NRXN1: variants seen among roughly 807,000 people sequenced by gnomAD.
The protein encoded by NRXN1 is neurexin 1.
A neutral mutation model predicts 150.9 loss-of-function variants in NRXN1; 39 were observed. The observed-to-expected ratio is 0.26, with a 90% CI of 0.20 to 0.34. The LOEUF is 0.34. NRXN1 is among the 10% of genes least tolerant of loss of function. The probability of loss-of-function intolerance (pLI) is 1.00; values close to 1 mark genes in which losing one functional copy is unlikely to be tolerated. For synonymous variants in NRXN1, 924 were observed against 757.0 expected (o/e 1.22, Z -3.62); for missense variants, 1,815 against 1,949.9 (o/e 0.93, Z 1.30).
At position 50,928,680 on chromosome 2, in the gene NRXN1, G is replaced by T. The variant is rs1687283955; in HGVS notation, c.773-2725C>A. Among the ~76,000 whole-genome samples the T allele has an allele frequency of 2.0e-5, 3 of 152,068 alleles. No individual in the cohort carries two copies. In the South Asian group the frequency reaches 6.2e-4, roughly 32 times the overall value. ...TGCTTTTGAGCAGCAACAAAGACAG[G>T]TGCTGAATTTTGGCATGCCACGGTG... On this transcript the variant is annotated intron_variant, in intron 2 of 22. Transcript: ENST00000401669.
intron 17 of NRXN1, among the ~76,000 whole-genome samples, chr2:50,333,445 T>C (rs1030667491): frequency 7.2e-5 from 11 of 151,826 alleles, no homozygotes; most frequent in African/African-American, 2.4e-5. Context: ...GAACCAAACA[T>C]CTCCCCAATA....
intron 18 of NRXN1, among the ~76,000 whole-genome samples, chr2:50,144,838 A>G (rs1707778421): frequency 6.6e-6 from 1 of 151,734 alleles, no homozygotes; most frequent in Non-Finnish European, 1.5e-5. Context: ...AAGTTTATGT[A>G]ACACTGTATA....
At chr2:50,590,839 G>A (rs1674060117) in intron 8 of NRXN1, among the ~76,000 whole-genome samples, 1 of 152,040 alleles carries the variant, frequency 6.6e-6, no homozygotes, top group Non-Finnish European at 1.5e-5. Flanking sequence ...TGTTTGAGCT[G>A]CCCAGTCTAT....
chr2:50,969,530 G>T (rs2104771269), intron 2 of NRXN1, among the ~76,000 whole-genome samples: 1 of 152,202 alleles, frequency 6.6e-6, no homozygotes, highest in Admixed American at 6.6e-5. Context: ...GGAAAGATTT[G>T]TACTGGAAAT....
chr2:50,479,777 T>TTTC (rs2090315023), intron 15 of NRXN1, among the ~76,000 whole-genome samples: 3 of 131,674 alleles, frequency 2.3e-5, no homozygotes, highest in Non-Finnish European at 4.9e-5. Context: ...CTTTTTTTTT[T>TTTC]TTTTTTTTTT....
At chr2:50,409,564 C>A (rs1192782595) in intron 17 of NRXN1, among the ~76,000 whole-genome samples, 1 of 152,204 alleles carries the variant, frequency 6.6e-6, no homozygotes, top group South Asian at 2.1e-4. Flanking sequence ...GGGACAGCAT[C>A]ACCTGGACCA....
At chr2:50,078,538 A>G (rs866611652) in intron 19 of NRXN1, among the ~76,000 whole-genome samples, 2 of 151,874 alleles carry the variant, frequency 1.3e-5, no homozygotes, top group South Asian at 4.1e-4. Context: ...CCAGTTTTCA[A>G]CTAATGTCCT....
intron 2 of NRXN1, among the ~76,000 whole-genome samples, chr2:50,951,284 T>C (rs868484117): frequency 5.9e-5 from 9 of 152,128 alleles, no homozygotes; most frequent in African/African-American, 1.7e-4. Flanking sequence ...CATATGCATA[T>C]ATGGATTTCA....
intron 5 of NRXN1, among the ~76,000 whole-genome samples, chr2:50,627,357 A>G (rs62142328): frequency 2.4e-4 from 35 of 143,630 alleles, no homozygotes; most frequent in South Asian, 4.6e-4. Flanking sequence ...TGGTTCATGT[A>G]TGTGTGTGTG....
intron 17 of NRXN1, among the ~76,000 whole-genome samples, chr2:50,302,470 G>A (rs1012648883): frequency 3.9e-4 from 60 of 152,070 alleles, no homozygotes; most frequent in African/African-American, 1.4e-3. Flanking sequence ...AGATTACAAA[G>A]TCCACCATAC....
Position 50,862,914 on chromosome 2 carries a change from C to T in NRXN1, c.832+58955G>A, listed in dbSNP as rs557654245. ...TCCTACTTGTAAGGAATAAGGCAGC[C>T]TCATTTATCTGCCTACGTGAAAAGA... On this transcript the variant is annotated intron_variant, in intron 5 of 22. Transcript: ENST00000401669. Among the ~76,000 whole-genome samples, 3 of 152,102 alleles carry T rather than the reference C, an allele frequency of 2.0e-5. No individual in the cohort carries two copies. The South Asian group carries it at 6.2e-4, about 32-fold the overall frequency.
intron 17 of NRXN1, among the ~76,000 whole-genome samples, chr2:50,317,705 G>C (rs1221633933): frequency 1.3e-5 from 2 of 151,904 alleles, no homozygotes; most frequent in African/African-American, 4.8e-5. Context: ...AAACATCTCA[G>C]TAAATCTAAA....
At position 50,626,549 on chromosome 2, in the gene NRXN1, TG is replaced by T. The variant is rs1166058033; in HGVS notation, c.833-2935del. Among the ~76,000 whole-genome samples, 5 of 152,018 alleles carry T rather than the reference TG, an allele frequency of 3.3e-5. No homozygotes were observed. In the East Asian group the frequency reaches 9.6e-4, roughly 29 times the overall value. On this transcript the variant is annotated intron_variant, in intron 5 of 22. Transcript: ENST00000401669. ...AGATAGATTAGTCAATAAAGGTTAC[TG>T]GGACAATCAGTTATTCATAAGAAAA...
chr2:49,925,183 G>A (rs1668877431), intron 22 of NRXN1, among the ~76,000 whole-genome samples: 1 of 151,746 alleles, frequency 6.6e-6, no homozygotes, highest in South Asian at 2.1e-4. Context: ...GGGGGATTGA[G>A]GCAGGAGAAT....
intron 18 of NRXN1, among the ~76,000 whole-genome samples, chr2:50,192,057 A>C (rs1293732044): frequency 6.6e-6 from 1 of 152,192 alleles, no homozygotes; most frequent in Non-Finnish European, 1.5e-5. Flanking sequence ...TTTATCTAAA[A>C]TAGAATGCAG....
intron 21 of NRXN1, among the ~76,000 whole-genome samples, chr2:50,039,569 T>C (rs1690606284): frequency 6.6e-6 from 1 of 152,208 alleles, no homozygotes; most frequent in Non-Finnish European, 1.5e-5. Context: ...ATATGCCTGC[T>C]ACTTCCAAAG....
intron 17 of NRXN1, among the ~76,000 whole-genome samples, chr2:50,380,883 T>A (rs749732660): frequency 3.3e-5 from 5 of 152,150 alleles, no homozygotes; most frequent in Non-Finnish European, 5.9e-5. Context: ...CTTGTAAGCC[T>A]AATAAGCATA....
At chr2:50,688,001 C>G (rs553956520) in intron 5 of NRXN1, among the ~76,000 whole-genome samples, 28 of 152,248 alleles carry the variant, frequency 1.8e-4, no homozygotes, top group Non-Finnish European at 5.9e-5. Context: ...AAATTTAGCA[C>G]TAATAGGTAA....
At chr2:50,447,300 C>A (rs990903074) in intron 17 of NRXN1, among the ~76,000 whole-genome samples, 1 of 151,210 alleles carries the variant, frequency 6.6e-6, no homozygotes, top group Admixed American at 6.6e-5. Context: ...ATGGTGAAAC[C>A]CCATCTGTAC....
Sources: gnomAD v4.1 joint callset for allele counts (sites outside exome capture counted in the v4.1 genomes callset) on GRCh38, gnomAD v4.1.1 for gene constraint, MANE v1.5 for transcripts, NCBI Gene and HGNC (gene_info 2026-07-23, HGNC 2026-07-21) for gene names.